FRMD4A: variants seen among roughly 807,000 people sequenced by gnomAD.
FRMD4A encodes FERM domain containing 4A, also known as FERM domain-containing protein 4A.
A neutral mutation model predicts 129.1 loss-of-function variants in FRMD4A; 29 were observed. The ratio of observed to expected loss-of-function variants is 0.22; its 90% confidence interval spans 0.17 to 0.31. The LOEUF (loss-of-function observed/expected upper bound fraction) is 0.31. FRMD4A is among the 10% of genes least tolerant of loss of function. FRMD4A has a pLI of 1.00. For synonymous variants in FRMD4A, 634 were observed against 571.6 expected, an observed-to-expected ratio of 1.11 and a Z score of -1.56; for missense variants, 1,272 against 1,375.8, an observed-to-expected ratio of 0.92 and a Z score of 1.19.
At chr10:14,022,763 GGA>G (rs1435778876) in intron 2 of FRMD4A, among the ~76,000 whole-genome samples, 1 of 152,084 alleles carries the variant, frequency 6.6e-6, no homozygotes, top group East Asian at 1.9e-4. Context: ...AGAAAAGGAT[GGA>G]GTGTCTGACC....
At chr10:14,027,736 G>A (rs764975777) in intron 2 of FRMD4A, among the ~76,000 whole-genome samples, 1 of 152,212 alleles carries the variant, frequency 6.6e-6, no homozygotes, top group African/African-American at 2.4e-5. Context: ...CAGAGTGTGT[G>A]GTTCTTACTC....
chr10:14,215,510 A>G (rs1410795330), intron 2 of FRMD4A, among the ~76,000 whole-genome samples: 1 of 152,222 alleles, frequency 6.6e-6, no homozygotes, highest in East Asian at 1.9e-4. Context: ...TTCATAAACT[A>G]AAATAACGAA....
At chr10:13,952,077 A>C (rs370727282) in intron 2 of FRMD4A, among the ~76,000 whole-genome samples, 2 of 151,060 alleles carry the variant, frequency 1.3e-5, no homozygotes, top group East Asian at 3.9e-4. Context: ...ATCCAGTTTA[A>C]TTTAAAATCT....
intron 2 of FRMD4A, among the ~76,000 whole-genome samples, chr10:14,129,371 C>CATATATATAT (rs3033977): frequency 1.4e-3 from 64 of 46,206 alleles, no homozygotes; most frequent in Non-Finnish European, 2.0e-3. Context: ...AATTATGATT[C>CATATATATAT]ATATATATAT....
intron 2 of FRMD4A, among the ~76,000 whole-genome samples, chr10:14,098,973 T>G (rs1564289658): frequency 1.3e-5 from 2 of 152,240 alleles, no homozygotes; most frequent in South Asian, 4.1e-4. Context: ...CTAAGCCTTC[T>G]GTTCTTCATC....
intron 2 of FRMD4A, among the ~76,000 whole-genome samples, chr10:14,016,977 C>T (rs1303850018): frequency 6.6e-6 from 1 of 152,232 alleles, no homozygotes; most frequent in Non-Finnish European, 1.5e-5. Context: ...TGCTCACAAG[C>T]TGCAGATGGA....
In FRMD4A at chr10:13,866,379, C is replaced by T. The variant is rs117819749; in HGVS notation, c.46-7467G>A. ...CTCTGACCCAGGCTGTTGTGTGGCT[C>T]AGAAGGAAATTCCAAGGCCATGACT... is the stretch of plus-strand genomic sequence containing the variant. On this transcript the variant is annotated intron_variant, in intron 2 of 24. Transcript: ENST00000357447. 1,588 of 497,348 alleles carry T rather than the reference C, an allele frequency of 3.2e-3. 50 individuals are homozygous for T. In the Admixed American group the frequency reaches 0.058, roughly 18 times the overall value. 30.8% of individuals were successfully genotyped at this position (497,348 alleles called of 1,614,324 possible).
chr10:13,773,324 C>A (rs1194419584), intron 6 of FRMD4A, among the ~76,000 whole-genome samples: 4 of 152,188 alleles, frequency 2.6e-5, no homozygotes, highest in African/African-American at 9.7e-5. Flanking sequence ...ACTTTCTCTT[C>A]TCAGCTTGCA....
chr10:13,934,728 T>C (rs767650200), intron 2 of FRMD4A, among the ~76,000 whole-genome samples: 5 of 152,222 alleles, frequency 3.3e-5, no homozygotes, highest in South Asian at 2.1e-4. Flanking sequence ...TTTGGTTTCA[T>C]TTCAGATAAA....
intron 2 of FRMD4A, among the ~76,000 whole-genome samples, chr10:14,272,431 C>T (rs185322700): frequency 2.1e-3 from 327 of 152,292 alleles, no homozygotes; most frequent in Non-Finnish European, 3.4e-3. Flanking sequence ...CTTTCACTGA[C>T]TTCATTGACC....
intron 2 of FRMD4A, among the ~76,000 whole-genome samples, chr10:14,300,916 T>G (rs887920670): frequency 5.3e-5 from 8 of 152,206 alleles, no homozygotes; most frequent in African/African-American, 1.9e-4. Flanking sequence ...GTATCTCTGT[T>G]TGCCTGAGAG....
intron 2 of FRMD4A, among the ~76,000 whole-genome samples, chr10:14,120,889 G>C (rs185980682): frequency 2.0e-5 from 3 of 152,324 alleles, no homozygotes; most frequent in Admixed American, 2.0e-4. Flanking sequence ...TGGCACTGAG[G>C]TGTGGGCATC....
chr10:13,719,632 T>A (rs1229786265), intron 12 of FRMD4A, among the ~76,000 whole-genome samples: 2 of 151,984 alleles, frequency 1.3e-5, no homozygotes, highest in Non-Finnish European at 2.9e-5. Context: ...CCCCTCTGAA[T>A]CAAACTCATT....
intron 12 of FRMD4A, among the ~76,000 whole-genome samples, chr10:13,727,117 G>T (rs1434479401): frequency 6.6e-6 from 1 of 150,646 alleles, no homozygotes; most frequent in Non-Finnish European, 1.5e-5. Context: ...GGCCAGGCTG[G>T]TCTCATATTC....
intron 2 of FRMD4A, among the ~76,000 whole-genome samples, chr10:14,240,088 T>C (rs1411692155): frequency 6.6e-6 from 1 of 152,216 alleles, no homozygotes; most frequent in Non-Finnish European, 1.5e-5. Flanking sequence ...GAGTCTACTA[T>C]GTTGATGGTT....
intron 2 of FRMD4A, among the ~76,000 whole-genome samples, chr10:14,293,849 C>T (rs544027222): frequency 6.6e-5 from 10 of 152,234 alleles, no homozygotes; most frequent in South Asian, 4.2e-4. Flanking sequence ...TGTTTATCAA[C>T]GGTAGACTGA....
intron 2 of FRMD4A, among the ~76,000 whole-genome samples, chr10:14,099,074 T>G (rs891448853): frequency 2.0e-5 from 3 of 152,342 alleles, no homozygotes; most frequent in Admixed American, 1.3e-4. Context: ...TGTTTGTGTT[T>G]GCCTTGGGGA....
intron 2 of FRMD4A, among the ~76,000 whole-genome samples, chr10:14,050,909 C>T (rs776636365): frequency 3.8e-4 from 58 of 152,274 alleles, no homozygotes; most frequent in Admixed American, 2.6e-4. Flanking sequence ...AAGCCTTTCC[C>T]TGAGTTCTGC....
At chr10:13,961,834 T>G (rs1010674739) in intron 2 of FRMD4A, among the ~76,000 whole-genome samples, 4 of 152,154 alleles carry the variant, frequency 2.6e-5, no homozygotes, top group African/African-American at 9.7e-5. Flanking sequence ...GGAATCATAT[T>G]TTTTTTGTTT....
Sources: gnomAD v4.1 joint callset for allele counts (sites outside exome capture counted in the v4.1 genomes callset) on GRCh38, gnomAD v4.1.1 for gene constraint, MANE v1.5 for transcripts, NCBI Gene and HGNC (gene_info 2026-07-23, HGNC 2026-07-21) for gene names.